Variants in CEP112 observed in about 807,000 individuals in gnomAD.
CEP112 encodes the protein centrosomal protein 112, also known as centrosomal protein of 112 kDa.
CEP112 carries 127 observed loss-of-function variants against 153.0 expected under a neutral mutation model. The ratio of observed to expected loss-of-function variants is 0.83; its 90% CI spans 0.72 to 0.96. The LOEUF (loss-of-function observed/expected upper bound fraction) is 0.96, where lower values mean the gene tolerates loss of function less well. CEP112 is among the 40% of genes least tolerant of loss of function. The pLI is 0.00. For missense variants in CEP112, 1,089 were observed against 1,101.2 expected, an observed-to-expected ratio of 0.99 and a Z score of 0.16; for synonymous variants, 358 against 374.4, an observed-to-expected ratio of 0.96 and a Z score of 0.51.
intron 21 of CEP112, among the ~76,000 whole-genome samples, chr17:65,830,772 TC>T (rs138612993): frequency 0.015 from 2,275 of 152,322 alleles, 25 homozygotes; most frequent in Non-Finnish European, 0.025. Flanking sequence ...GCTTAAGTCT[TC>T]CTTACACTAG....
chr17:66,050,119 C>T (rs1333296494), intron 12 of CEP112, among the ~76,000 whole-genome samples: 2 of 152,138 alleles, frequency 1.3e-5, no homozygotes, highest in African/African-American at 2.4e-5. Context: ...TTCAAAACTG[C>T]TCATCTCAGA....
chr17:65,665,176 A>G (rs938807783), intron 24 of CEP112, among the ~76,000 whole-genome samples: 9 of 152,108 alleles, frequency 5.9e-5, no homozygotes, highest in African/African-American at 2.2e-4. Context: ...AATGCCTTTT[A>G]TTTCCACACC....
At chr17:65,829,495 G>A (rs187554298) in intron 21 of CEP112, among the ~76,000 whole-genome samples, 124 of 152,214 alleles carry the variant, frequency 8.1e-4, no homozygotes, top group African/African-American at 2.7e-3. Flanking sequence ...CATAGGAGGC[G>A]GGAGTGTGAA....
chr17:65,991,464 T>C (rs2063592284), intron 17 of CEP112, among the ~76,000 whole-genome samples: 1 of 151,804 alleles, frequency 6.6e-6, no homozygotes, highest in South Asian at 2.1e-4. Flanking sequence ...ACTTAATTAA[T>C]CTTTAAATAT....
chr17:65,765,292 A>G (rs1244058372), intron 21 of CEP112, among the ~76,000 whole-genome samples: 1 of 148,134 alleles, frequency 6.8e-6, no homozygotes, highest in South Asian at 2.2e-4. Context: ...CAATTCATAC[A>G]TTTTCTTTTC....
intron 11 of CEP112, among the ~76,000 whole-genome samples, chr17:66,055,565 G>C (rs2319120): frequency 0.41 from 62,489 of 151,990 alleles, 14,311 homozygotes; most frequent in East Asian, 0.87. Flanking sequence ...ACTTACAGGA[G>C]CAATTATATG....
intron 23 of CEP112, among the ~76,000 whole-genome samples, chr17:65,723,099 C>A (rs1276147279): frequency 2.0e-5 from 3 of 152,168 alleles, no homozygotes; most frequent in African/African-American, 7.2e-5. Context: ...ATGTAGAACA[C>A]AATCCATCTT....
intron 18 of CEP112, among the ~76,000 whole-genome samples, chr17:65,950,395 T>C (rs1334774732): frequency 2.6e-5 from 4 of 152,168 alleles, no homozygotes; most frequent in Non-Finnish European, 5.9e-5. Context: ...TTAGATCTTT[T>C]TAACATTTCT....
At chr17:65,925,598 C>A (rs116659920) in intron 19 of CEP112, among the ~76,000 whole-genome samples, 3 of 152,258 alleles carry the variant, frequency 2.0e-5, no homozygotes, top group East Asian at 3.9e-4. Flanking sequence ...GCATTTTCTA[C>A]GTTTTTACAT....
At chr17:65,750,005 T>G (rs181220847) in intron 22 of CEP112, among the ~76,000 whole-genome samples, 10 of 152,310 alleles carry the variant, frequency 6.6e-5, no homozygotes, top group African/African-American at 2.4e-4. Flanking sequence ...TAAGGAATAC[T>G]TGGAGTTCCT....
chr17:66,095,451 T>C (rs528044090), intron 8 of CEP112, among the ~76,000 whole-genome samples: 1 of 152,140 alleles, frequency 6.6e-6, no homozygotes, highest in African/African-American at 2.4e-5. Flanking sequence ...CTCACTTATA[T>C]GTGGATTCTA....
At chr17:65,751,396 T>G (rs1360571025) in intron 21 of CEP112, among the ~76,000 whole-genome samples, 1 of 152,192 alleles carries the variant, frequency 6.6e-6, no homozygotes, top group Non-Finnish European at 1.5e-5. Context: ...CTGGAAACTT[T>G]TGGGATCTTT....
chr17:66,159,529 T>C (rs1238782245), intron 4 of CEP112, among the ~76,000 whole-genome samples: 3 of 152,250 alleles, frequency 2.0e-5, no homozygotes, highest in Non-Finnish European at 4.4e-5. Context: ...ATCACTGGGA[T>C]GCAAGGCTGG....
chr17:65,768,669 TATATCA>T (rs60839035), intron 21 of CEP112, among the ~76,000 whole-genome samples: 72,751 of 151,770 alleles, frequency 0.48, 19,111 homozygotes, highest in East Asian at 0.78. Flanking sequence ...ATCAGTGTGA[TATATCA>T]CATTAACAAA....
intron 19 of CEP112, 95 bp from the exon 20 acceptor site, chr17:65,902,429 T>A: frequency 1.0e-6 from 1 of 1,004,512 alleles, no homozygotes; most frequent in Non-Finnish European, 1.4e-6. Context: ...TTTGTCCAAG[T>A]TGAAAATTTT....
At chr17:66,056,863 T>C (rs1055731325) in intron 11 of CEP112, among the ~76,000 whole-genome samples, 2 of 152,152 alleles carry the variant, frequency 1.3e-5, no homozygotes, top group Admixed American at 6.5e-5. Context: ...AATTGTATAC[T>C]TTAAGAAGGT....
chr17:65,803,834 A>T (rs2055427633), intron 21 of CEP112, among the ~76,000 whole-genome samples: 1 of 152,212 alleles, frequency 6.6e-6, no homozygotes, highest in African/African-American at 2.4e-5. Flanking sequence ...TAGTCAAAAG[A>T]GCATTTTTAT....
intron 6 of CEP112, among the ~76,000 whole-genome samples, chr17:66,124,334 T>C (rs2069738516): frequency 6.6e-6 from 1 of 152,160 alleles, no homozygotes; most frequent in Non-Finnish European, 1.5e-5. Context: ...AGGAACCTCA[T>C]TGCACTATTG....
At position 65,742,754 on chromosome 17, in the gene CEP112, C is replaced by G. The variant is rs1002477657; in HGVS notation, c.2607+314G>C. Among the ~76,000 whole-genome samples, 10 of 118,754 alleles carry G rather than the reference C, an allele frequency of 8.4e-5. No individual in the cohort carries two copies. The East Asian group carries it at 2.1e-3, about 25-fold the overall frequency. The allele number at this position is 118,754 out of a possible 152,430, so 77.9% of individuals were successfully genotyped here. On this transcript the variant is annotated intron_variant, in intron 23 of 26. Transcript: ENST00000535342. ...AACAGCCAGCAGTGCTGGGCTCAAA[C>G]AGTCATTCTAATTTCAAGAGACAAT...
Sources: gnomAD v4.1 joint callset for allele counts (sites outside exome capture counted in the v4.1 genomes callset) on GRCh38, gnomAD v4.1.1 for gene constraint, MANE v1.5 for transcripts, NCBI Gene and HGNC (gene_info 2026-07-23, HGNC 2026-07-21) for gene names.